The following EP400 variants were observed in gnomAD, a reference collection of about 807,000 sequenced individuals.
The protein encoded by EP400 is E1A binding protein p400.
A neutral mutation model predicts 354.1 loss-of-function variants in EP400; 105 were observed. The ratio of observed to expected loss-of-function variants is 0.30; its 90% CI spans 0.25 to 0.35. EP400 has a LOEUF of 0.35. EP400 is among the 10% of genes least tolerant of loss of function. The probability of loss-of-function intolerance (pLI) is 1.00; values close to 1 mark genes in which losing one functional copy is unlikely to be tolerated. For missense variants in EP400, 3,280 were observed against 4,121.0 expected (o/e 0.80, Z 5.59); for synonymous variants, 1,646 against 1,716.9 (o/e 0.96, Z 1.02).
At chr12:131,993,647 C>T (rs892805149) in intron 11 of EP400, among the ~76,000 whole-genome samples, 13 of 152,194 alleles carry the variant, frequency 8.5e-5, no homozygotes, top group Non-Finnish European at 1.6e-4. Flanking sequence ...GTTATGTGAA[C>T]GTACAAAGTA....
intron 5 of EP400, among the ~76,000 whole-genome samples, chr12:131,984,429 A>G (rs1386010480): frequency 6.6e-6 from 1 of 152,170 alleles, no homozygotes; most frequent in Non-Finnish European, 1.5e-5. Flanking sequence ...AAAGCCAGCA[A>G]CTGGGGGGGC....
In EP400 at chr12:131,994,948, C is replaced by T; in HGVS notation, c.2819C>T (p.Ala940Val). 1 of 1,613,796 alleles carries T rather than the reference C, an allele frequency of 6.2e-7. No individual in the cohort carries two copies. Among genetic ancestry groups the T allele is most frequent in the Non-Finnish European group, 8.5e-7 (1 of 1,179,804 alleles). Residue 940 changes from alanine (A) to valine (V), a missense_variant, in exon 12 of 53, where the codon GCC becomes GTC. Ala to Val is a moderately conservative substitution (Grantham distance 64). Coordinates refer to ENST00000389561, the MANE Select transcript of EP400 (RefSeq NM_015409.5). This position sits in a 1 kb window ranked among gnomAD's most constrained non-coding sequence, Gnocchi z 4.6. ...VDHQTELSNL[A>V]KEAELPLLDL... is the part of the protein sequence containing the mutation. ...CACCAAACAGAACTTTCTAATTTAG[C>T]CAAGGAAGGTAGGCTGTTGCTACCT... is the stretch of plus-strand genomic sequence containing the variant.
Position 132,028,223 on chromosome 12 carries a change from A to G in EP400, c.5316A>G (p.Glu1772=). Reference sequence around the variant, plus strand: ...CGCACAGTTACACTTCATCCTCAGAAAGTCCAAGTGAGCTGATGTTGACGC... The same window carrying G: ...CGCACAGTTACACTTCATCCTCAGAGAGTCCAAGTGAGCTGATGTTGACGC... ...GPAHSYTSSS[E]SPSELMLTLC... is the part of the protein sequence containing the mutation. Residue 1772 remains glutamate (E), a synonymous_variant, in exon 27 of 53, where the codon GAA becomes GAG. Transcript: ENST00000389561. 3 of 1,614,118 alleles carry G rather than the reference A, an allele frequency of 1.9e-6. No individual in the cohort carries two copies. The highest frequency in any genetic ancestry group is 2.5e-6 in the Non-Finnish European group (3 of 1,180,020).
chr12:132,044,242 G>A lies in EP400; in HGVS notation c.6516G>A (p.Glu2172=), dbSNP rs1895009397. 2.5e-6 allele frequency: 4 copies of A among 1,614,226 alleles called. No homozygotes were observed. The highest frequency in any genetic ancestry group is 3.3e-4 in the Middle Eastern group (2 of 6,060). The stretch of plus-strand genomic sequence containing the variant: ...ACCTGAAGACCCTGCAGGAGAGGGA[G>A]GCCCGGCTGCGGCTGGAGCAGGAGG... ...FWNLKTLQER[E]ARLRLEQEEA... The change falls in exon 35 of 53, where the codon GAG becomes GAA. Residue 2172 remains glutamate (E), a synonymous_variant. Coordinates refer to ENST00000389561, the MANE Select transcript of EP400 (RefSeq NM_015409.5).
chr12:131,980,229 C>G (rs1032577310), intron 3 of EP400, among the ~76,000 whole-genome samples: 3 of 152,226 alleles, frequency 2.0e-5, no homozygotes, highest in Admixed American at 2.0e-4. Context: ...GCAGTAACCA[C>G]TGTTAATGTT....
chr12:132,028,296 A>G lies in EP400; in HGVS notation c.5381+8A>G. On this transcript the variant is annotated splice_region_variant and intron_variant, in intron 27 of 52. Transcript: ENST00000389561. ...GCAGGATGTTATTGACAGGTACTGC[A>G]GACCTCGTGACCTTTTCGGTGCTCT... 1.2e-6 allele frequency: 2 copies of G among 1,609,030 alleles called. No homozygotes were observed. The highest frequency in any genetic ancestry group is 1.7e-5 in the Admixed American group (1 of 59,966).
rs759957734 is a variant in EP400, at chr12:132,044,820, G to T, written c.6651G>T (p.Pro2217=). ...EVMPLWTPPT[P]PQDDSDIYLD... ...TGCAGCTCTGGACCCCACCCACCCC[G>T]CCGCAGGACGACAGCGACATCTACC... Residue 2217 remains proline, a synonymous_variant, in exon 37 of 53, where the codon CCG becomes CCT. Coordinates refer to ENST00000389561, the MANE Select transcript of EP400 (RefSeq NM_015409.5). The T allele has an allele frequency of 3.7e-6, 6 of 1,613,794 alleles. No homozygotes were observed. Among genetic ancestry groups the T allele is most frequent in the Non-Finnish European group, 5.1e-6 (6 of 1,179,898 alleles).
intron 1 of EP400, among the ~76,000 whole-genome samples, chr12:131,954,238 AC>A (rs1227129571): frequency 6.6e-6 from 1 of 151,792 alleles, no homozygotes; most frequent in African/African-American, 2.4e-5. Flanking sequence ...AAAAAAAAAA[AC>A]CAACACATTT....
chr12:131,988,744 C>T (rs1037399836), intron 7 of EP400, among the ~76,000 whole-genome samples: 1 of 152,150 alleles, frequency 6.6e-6, no homozygotes, highest in African/African-American at 2.4e-5. Flanking sequence ...CAGCCGTGGC[C>T]CTTCTTTATC....
At chr12:131,963,777 AT>A in intron 2 of EP400, 1 of 638,686 alleles carries the variant, frequency 1.6e-6, no homozygotes, top group South Asian at 2.1e-5. Context: ...ACAGTAAAAA[AT>A]CTTCCTGCGT....
chr12:132,001,700 G>A (rs1052928410), intron 12 of EP400, among the ~76,000 whole-genome samples: 5 of 152,152 alleles, frequency 3.3e-5, no homozygotes, highest in Admixed American at 6.5e-5. Flanking sequence ...TGGCGTTACC[G>A]CTAGACCCAG....
chr12:132,038,046 C>T lies in EP400; in HGVS notation c.6157C>T (p.Pro2053Ser), dbSNP rs1329787091. The T allele has an allele frequency of 6.2e-7, 1 of 1,614,198 alleles. No homozygotes were observed. The highest frequency in any genetic ancestry group is 8.5e-7 in the Non-Finnish European group (1 of 1,180,030). The change falls in exon 32 of 53, where the codon CCT becomes TCT. Residue 2053 changes from proline to serine, a missense_variant. Physicochemically the swap from Pro to Ser is moderately conservative, Grantham distance 74. Coordinates refer to ENST00000389561, the MANE Select transcript of EP400 (RefSeq NM_015409.5). This position sits in a 1 kb window ranked among gnomAD's most constrained non-coding sequence, Gnocchi z 4.2. Reference sequence around the variant, plus strand: ...GGAGTTTGTGGTGCTTTCTCAGGAACCTTCTGTCACGGAAACCATTGCACC... The same window carrying T: ...GGAGTTTGTGGTGCTTTCTCAGGAATCTTCTGTCACGGAAACCATTGCACC... ...AEEFVVLSQE[P>S]SVTETIAPKI... is the part of the protein sequence containing the mutation.
rs1894112081 is a variant in EP400, at chr12:132,021,226, C to T, written c.4595C>T (p.Pro1532Leu). The part of the protein sequence containing the change: ...TTAQASTPGQ[P>L]PPQPQAPSHA... Reference sequence around the variant, plus strand: ...GCACAGGCCTCCACCCCAGGCCAGCCCCCGCCCCAGCCCCAGGCCCCCTCG... The same window carrying T: ...GCACAGGCCTCCACCCCAGGCCAGCTCCCGCCCCAGCCCCAGGCCCCCTCG... Residue 1532 changes from proline to leucine, a missense_variant, in exon 23 of 53, where the codon CCC becomes CTC. Pro to Leu is a moderately conservative substitution (Grantham distance 98, BLOSUM62 -3). This residue lies in a region of EP400 where 342 missense variants were observed against 342.7 expected (regional missense o/e 1.00). Coordinates refer to ENST00000389561, the MANE Select transcript of EP400 (RefSeq NM_015409.5). 3 of 1,582,528 alleles carry T rather than the reference C, an allele frequency of 1.9e-6. No homozygotes were observed. The highest frequency in any genetic ancestry group is 2.6e-6 in the Non-Finnish European group (3 of 1,171,630).
At position 132,064,859 on chromosome 12, in the gene EP400, C is replaced by T. The variant is rs752152940; in HGVS notation, c.8526C>T (p.Thr2842=). 20 of 1,610,464 alleles carry T rather than the reference C, an allele frequency of 1.2e-5. 1 individual carries two copies. Among genetic ancestry groups the T allele is most frequent in the South Asian group, 4.4e-5 (4 of 90,942 alleles). The change falls in exon 48 of 53, where the codon ACC becomes ACT. Residue 2842 remains threonine, a synonymous_variant. Coordinates refer to ENST00000389561, the MANE Select transcript of EP400 (RefSeq NM_015409.5). ...CTGGTGCCCTGCTGACGGGCACCAC[C>T]GTGGCCAACCTCCAGGTGGCCCGGC... ...PRPGALLTGT[T]VANLQVARLT...
intron 2 of EP400, among the ~76,000 whole-genome samples, chr12:131,978,515 A>AT (rs139600219): frequency 6.6e-6 from 1 of 151,324 alleles, no homozygotes; most frequent in Non-Finnish European, 1.5e-5. Context: ...GGCTTCTTTC[A>AT]TTTTTTGTTT....
chr12:132,002,078 CTA>C (rs1179533673), intron 12 of EP400, among the ~76,000 whole-genome samples: 1 of 152,166 alleles, frequency 6.6e-6, no homozygotes, highest in Non-Finnish European at 1.5e-5. Context: ...GGAGTTTCCT[CTA>C]GAGAGAGTTT....
chr12:132,056,219 A>T (rs889445059), intron 45 of EP400, among the ~76,000 whole-genome samples: 2 of 152,148 alleles, frequency 1.3e-5, no homozygotes, highest in African/African-American at 4.8e-5. Context: ...CCCAGGGGCA[A>T]CATACCCTGA....
intron 15 of EP400, among the ~76,000 whole-genome samples, chr12:132,007,316 T>G (rs1893616518): frequency 6.6e-6 from 1 of 152,270 alleles, no homozygotes; most frequent in African/African-American, 2.4e-5. Flanking sequence ...TCGTCCCTCT[T>G]GCTGGATTTC....
rs1378993321 is a variant in EP400 at position 132,079,050 on chromosome 12, T to C, written c.*1377T>C. ...GGAAATTAGGTTATATTAGGTTTTT[T>C]GTATACTAAAAATCAGTTATGGCAC... On this transcript the variant is annotated 3_prime_UTR_variant, in exon 53 of 53. Transcript: ENST00000389561. 6.6e-6 allele frequency: 1 copy of C among 152,344 alleles called. No individual in the cohort carries two copies. The highest frequency in any genetic ancestry group is 1.9e-4 in the East Asian group (1 of 5,190). 9.4% of individuals were successfully genotyped at this position (152,344 alleles called of 1,614,324 possible).
Sources: allele counts gnomAD v4.1 joint callset (sites outside exome capture counted in the v4.1 genomes callset), GRCh38; gene constraint gnomAD v4.1.1; regional missense constraint gnomAD v4.1.1; non-coding constraint Gnocchi (gnomAD v3.1); transcripts MANE v1.5; gene names NCBI Gene and HGNC (gene_info 2026-07-23, HGNC 2026-07-21).